The following PRKAR2B variants were observed in gnomAD, a reference collection of about 807,000 sequenced individuals.
The protein encoded by PRKAR2B is cAMP-dependent protein kinase type II-beta regulatory subunit.
In PRKAR2B, 14 loss-of-function variants were observed where a neutral mutation model predicts 49.9. The ratio of observed to expected loss-of-function variants is 0.28; its 90% CI spans 0.19 to 0.44. PRKAR2B has a LOEUF of 0.44. Among genes scored for constraint, PRKAR2B ranks in the 20% least tolerant of loss-of-function variants. The probability of loss-of-function intolerance (pLI) is 1.00; values close to 1 mark genes in which losing one functional copy is unlikely to be tolerated. For missense variants in PRKAR2B, 393 were observed against 537.9 expected, an observed-to-expected ratio of 0.73 and a Z score of 2.67; for synonymous variants, 196 against 197.7, an observed-to-expected ratio of 0.99 and a Z score of 0.07.
chr7:107,050,070 C>T (rs536950163), intron 1 of PRKAR2B, among the ~76,000 whole-genome samples: 10 of 152,046 alleles, frequency 6.6e-5, no homozygotes, highest in African/African-American at 1.9e-4. Flanking sequence ...AATTGGGAAA[C>T]CAAAAAACCC....
chr7:107,112,174 T>TA (rs749209141), intron 2 of PRKAR2B, among the ~76,000 whole-genome samples: 4,223 of 44,682 alleles, frequency 0.095, 721 homozygotes, highest in African/African-American at 0.3. Context: ...ACTGTGTCTC[T>TA]AAAAAAAAAA....
intron 2 of PRKAR2B, among the ~76,000 whole-genome samples, chr7:107,109,117 A>G (rs1156723588): frequency 6.6e-6 from 1 of 152,204 alleles, no homozygotes; most frequent in Non-Finnish European, 1.5e-5. Flanking sequence ...GAACCATGTA[A>G]GGTAACCTCC....
chr7:107,151,032 A>T lies in PRKAR2B; in HGVS notation c.843+9A>T. 6.9e-7 allele frequency: 1 copy of T among 1,448,000 alleles called. No homozygotes were observed. The highest frequency in any genetic ancestry group is 1.3e-5 in the South Asian group (1 of 75,692). The allele number at this position is 1,448,000 out of a possible 1,614,324, so 89.7% of individuals were successfully genotyped here. On this transcript the variant is annotated intron_variant, in intron 7 of 10. Coordinates refer to ENST00000265717, the MANE Select transcript of PRKAR2B (RefSeq NM_002736.3). ...TCCTTAAATCTTTGGAGGTAAGTAT[A>T]TGTTTATGCTTTTATTTTATTTTGC... is the stretch of plus-strand genomic sequence containing the variant.
intron 2 of PRKAR2B, among the ~76,000 whole-genome samples, chr7:107,109,788 T>A (rs576768457): frequency 9.9e-5 from 15 of 152,138 alleles, no homozygotes; most frequent in Non-Finnish European, 1.9e-4. Context: ...TAGTAAAAGT[T>A]GGTGAACAAT....
At position 107,161,803 on chromosome 7, in the gene PRKAR2B, CAA is replaced by C. The variant is rs1796203253; in HGVS notation, c.*2222_*2223del. The C allele has an allele frequency of 1.3e-5, 2 of 152,266 alleles. No individual in the cohort carries two copies. Among genetic ancestry groups the C allele is most frequent in the South Asian group, 4.1e-4 (2 of 4,824 alleles). 9.4% of individuals were successfully genotyped at this position (152,266 alleles called of 1,614,324 possible). On this transcript the variant is annotated 3_prime_UTR_variant, in exon 11 of 11. Transcript: ENST00000265717. ...GTAAAATTATCTGATTAAAACAGCT[CAA>C]GTTTGACTTGTGGATGTCATTATTT...
intron 2 of PRKAR2B, among the ~76,000 whole-genome samples, chr7:107,102,917 C>T (rs564094497): frequency 3.7e-4 from 56 of 152,170 alleles, no homozygotes; most frequent in East Asian, 1.4e-3. Context: ...GTGATCTGCC[C>T]GCCTCAGCCT....
At chr7:107,133,151 C>T (rs1359825853) in intron 4 of PRKAR2B, among the ~76,000 whole-genome samples, 1 of 152,138 alleles carries the variant, frequency 6.6e-6, no homozygotes, top group Non-Finnish European at 1.5e-5. Flanking sequence ...CATGATAAGC[C>T]TCTGCATATT....
intron 2 of PRKAR2B, among the ~76,000 whole-genome samples, chr7:107,088,095 T>G (rs760553587): frequency 3.3e-5 from 5 of 152,128 alleles, no homozygotes; most frequent in Non-Finnish European, 7.4e-5. Flanking sequence ...TATTATTATT[T>G]CCGTTTTAAA....
At chr7:107,083,748 G>T (rs551330382) in intron 2 of PRKAR2B, among the ~76,000 whole-genome samples, 2 of 152,080 alleles carry the variant, frequency 1.3e-5, no homozygotes, top group South Asian at 4.2e-4. Context: ...AAGTAGCTGG[G>T]ATTACAGGCG....
chr7:107,152,492 A>G (rs972490273), intron 7 of PRKAR2B, among the ~76,000 whole-genome samples: 8 of 152,166 alleles, frequency 5.3e-5, no homozygotes, highest in African/African-American at 1.4e-4. Context: ...CTTTGAAGGT[A>G]GAGACTTATG....
At chr7:107,098,291 T>G (rs1477880355) in intron 2 of PRKAR2B, among the ~76,000 whole-genome samples, 4 of 152,232 alleles carry the variant, frequency 2.6e-5, no homozygotes, top group Non-Finnish European at 4.4e-5. Flanking sequence ...TTTCTTCCAC[T>G]TGATCAAATT....
At chr7:107,085,487 T>G (rs941191759) in intron 2 of PRKAR2B, among the ~76,000 whole-genome samples, 1 of 152,152 alleles carries the variant, frequency 6.6e-6, no homozygotes, top group African/African-American at 2.4e-5. Context: ...TATTATAAAA[T>G]TGATAAATGC....
At chr7:107,054,249 G>C (rs1428539606) in intron 1 of PRKAR2B, among the ~76,000 whole-genome samples, 5 of 152,162 alleles carry the variant, frequency 3.3e-5, no homozygotes, top group Non-Finnish European at 4.4e-5. Context: ...AGCTACTCGG[G>C]AGGCTGAGGC....
chr7:107,152,371 C>T (rs1206743441), intron 7 of PRKAR2B, among the ~76,000 whole-genome samples: 2 of 152,206 alleles, frequency 1.3e-5, no homozygotes, highest in Non-Finnish European at 2.9e-5. Flanking sequence ...ACACCCACTT[C>T]GGGGTCTTTG....
chr7:107,150,146 A>C (rs1228376052), intron 6 of PRKAR2B, among the ~76,000 whole-genome samples: 1 of 152,108 alleles, frequency 6.6e-6, no homozygotes, highest in African/African-American at 2.4e-5. Context: ...TAAAGAATTA[A>C]AATATTTTAT....
Position 107,161,754 on chromosome 7 carries a change from A to G in PRKAR2B, c.*2172A>G, listed in dbSNP as rs946273329. ...TTGGCCATTTAGAATAACCAAATCA[A>G]TCTGGCTAACTAGGAATTTATGTGT... On this transcript the variant is annotated 3_prime_UTR_variant, in exon 11 of 11. Transcript: ENST00000265717. 6.6e-6 allele frequency: 1 copy of G among 152,222 alleles called. No individual in the cohort carries two copies. The highest frequency in any genetic ancestry group is 2.4e-5 in the African/African-American group (1 of 41,460). The allele number at this position is 152,222 out of a possible 1,614,324, so 9.4% of individuals were successfully genotyped here. A position where few individuals can be genotyped will look rare whatever the true frequency, so the allele number is the denominator to read the frequency against.
rs149127574 is a variant in PRKAR2B, at chr7:107,069,170, A to G, written c.308-1111A>G. ...ATGCTGGTCTCAAACTCCTCACCTC[A>G]GGTGATCTGCCCACCTTGGCCTCCC... On this transcript the variant is annotated intron_variant, in intron 1 of 10. Transcript: ENST00000265717. Among the ~76,000 whole-genome samples the G allele has an allele frequency of 3.9e-3, 589 of 152,296 alleles. 7 individuals carry two copies. The highest frequency in any genetic ancestry group is 0.014 in the African/African-American group (563 of 41,556).
At chr7:107,058,326 GCAAA>G (rs1793954611) in intron 1 of PRKAR2B, among the ~76,000 whole-genome samples, 1 of 152,124 alleles carries the variant, frequency 6.6e-6, no homozygotes, top group Non-Finnish European at 1.5e-5. Context: ...AAATTAATTG[GCAAA>G]CAATTAGTTG....
At chr7:107,097,836 C>T (rs997086012) in intron 2 of PRKAR2B, among the ~76,000 whole-genome samples, 3 of 152,148 alleles carry the variant, frequency 2.0e-5, no homozygotes, top group Non-Finnish European at 4.4e-5. Context: ...TGAATATTGG[C>T]CCCCATTCTC....
Sources: allele counts gnomAD v4.1 joint callset (sites outside exome capture counted in the v4.1 genomes callset), GRCh38; gene constraint gnomAD v4.1.1; transcripts MANE v1.5; gene names NCBI Gene and HGNC (gene_info 2026-07-23, HGNC 2026-07-21).